Variants in COL21A1 observed in about 807,000 individuals in gnomAD.
COL21A1 encodes collagen alpha-1(XXI) chain.
A neutral mutation model predicts 137.9 loss-of-function variants in COL21A1; 149 were observed. The ratio of observed to expected loss-of-function variants is 1.08; its 90% confidence interval spans 0.95 to 1.24. COL21A1 has a LOEUF of 1.24. Ranked by LOEUF, COL21A1 falls within the 50% of genes most tolerant of loss-of-function variation. COL21A1 has a pLI of 0.00. For synonymous variants in COL21A1, 456 were observed against 391.5 expected, an observed-to-expected ratio of 1.16 and a Z score of -1.95; for missense variants, 1,167 against 1,158.4, an observed-to-expected ratio of 1.01 and a Z score of -0.11.
At chr6:56,325,930 ATAATATATATTATATATT>A (rs1765068567) in intron 1 of COL21A1, among the ~76,000 whole-genome samples, 3 of 44,680 alleles carry the variant, frequency 6.7e-5, no homozygotes, top group African/African-American at 1.3e-4. Context: ...TATAATATAT[ATAATATATATTATATATT>A]ATATAATATA....
chr6:56,280,008 T>A (rs1763754887), intron 1 of COL21A1, among the ~76,000 whole-genome samples: 2 of 152,124 alleles, frequency 1.3e-5, no homozygotes, highest in Non-Finnish European at 2.9e-5. Flanking sequence ...AATACACACA[T>A]ACAGACACAC....
At chr6:56,276,522 C>T (rs934380024) in intron 1 of COL21A1, 6 of 1,204,008 alleles carry the variant, frequency 5.0e-6, no homozygotes, top group Non-Finnish European at 7.3e-6. Context: ...AAAACACCTT[C>T]ATATTAATCA....
intron 14 of COL21A1, 118 bp downstream of exon 14, chr6:56,125,449 T>C (rs1170366662): frequency 5.0e-5 from 31 of 615,332 alleles, no homozygotes; most frequent in Middle Eastern, 3.1e-4. Flanking sequence ...ATTAATCCCC[T>C]AAGAAGGGTG....
intron 16 of COL21A1, among the ~76,000 whole-genome samples, chr6:56,118,786 C>G (rs1265186866): frequency 6.6e-6 from 1 of 151,956 alleles, no homozygotes; most frequent in Non-Finnish European, 1.5e-5. Flanking sequence ...GTATGCAAAT[C>G]AATCAAAATG....
chr6:56,113,517 C>G (rs1266281004), intron 16 of COL21A1, among the ~76,000 whole-genome samples: 4 of 152,182 alleles, frequency 2.6e-5, no homozygotes, highest in Non-Finnish European at 5.9e-5. Flanking sequence ...CAGCATTCAT[C>G]ACCTGTTAAC....
intron 17 of COL21A1, among the ~76,000 whole-genome samples, chr6:56,098,548 AATATATATAAATATATAAAT>A (rs1468188990): frequency 0.12 from 1,811 of 15,172 alleles, 133 homozygotes; most frequent in East Asian, 0.21. Context: ...TAAATATATA[AATATATATAAATATATAAAT>A]ATATATAAAT....
chr6:56,309,274 G>A (rs769439601), intron 1 of COL21A1, among the ~76,000 whole-genome samples: 53 of 152,024 alleles, frequency 3.5e-4, no homozygotes, highest in Non-Finnish European at 5.1e-4. Flanking sequence ...TCCTGACCTC[G>A]TGATCTGCCC....
intron 1 of COL21A1, among the ~76,000 whole-genome samples, chr6:56,348,967 C>G (rs1026449815): frequency 2.6e-5 from 4 of 152,172 alleles, no homozygotes; most frequent in Non-Finnish European, 5.9e-5. Context: ...AAAGTTTAGA[C>G]AGGTTAAACT....
At chr6:56,292,772 TG>T (rs111381293) in intron 1 of COL21A1, among the ~76,000 whole-genome samples, 12,216 of 152,280 alleles carry the variant, frequency 0.08, 543 homozygotes, top group Middle Eastern at 0.14. Context: ...TGAATATTCC[TG>T]GTATGCTTCT....
At chr6:56,364,560 C>A (rs926980902) in intron 1 of COL21A1, among the ~76,000 whole-genome samples, 1 of 152,176 alleles carries the variant, frequency 6.6e-6, no homozygotes, top group African/African-American at 2.4e-5. Flanking sequence ...GCACAGGCAG[C>A]TGGTGAAAGG....
At chr6:56,073,429 T>C (rs1225983574) in intron 20 of COL21A1, among the ~76,000 whole-genome samples, 2 of 151,406 alleles carry the variant, frequency 1.3e-5, no homozygotes, top group South Asian at 2.1e-4. Context: ...ACTTTAGAAA[T>C]TAAAAGTAAA....
rs114617257 is a variant in COL21A1, at chr6:56,376,661, C to T, written c.-39+17310G>A. On this transcript the variant is annotated intron_variant, in intron 1 of 28. Coordinates refer to the COL21A1 transcript ENST00000370819. ...TTTAGAGATAGGGGAGAAGTCAAGA[C>T]ATTTTATACTTTATGGCTTCAATTT... Among the ~76,000 whole-genome samples, 1,154 of 152,044 alleles carry T rather than the reference C, an allele frequency of 7.6e-3. 1 individual carries two copies. Among genetic ancestry groups the T allele is most frequent in the Non-Finnish European group, 0.012 (808 of 67,964 alleles).
chr6:56,098,905 C>T (rs1470898497), intron 17 of COL21A1, among the ~76,000 whole-genome samples: 5 of 149,368 alleles, frequency 3.3e-5, no homozygotes, highest in African/African-American at 1.2e-4. Context: ...TTAGTAGAGA[C>T]GGGGTTTCAC....
intron 1 of COL21A1, among the ~76,000 whole-genome samples, chr6:56,372,374 C>T (rs944860639): frequency 6.6e-6 from 1 of 152,276 alleles, no homozygotes; most frequent in African/African-American, 2.4e-5. Flanking sequence ...GAGAGACTGG[C>T]CAACCTACCA....
intron 5 of COL21A1, 67 bp downstream of exon 5, chr6:56,170,580 AAC>A: frequency 2.0e-6 from 2 of 1,019,142 alleles, no homozygotes; most frequent in Non-Finnish European, 2.9e-6. Flanking sequence ...TCTTTTCCCC[AAC>A]ACACATAAAC....
At chr6:56,362,597 C>T (rs1765998117) in intron 1 of COL21A1, among the ~76,000 whole-genome samples, 1 of 152,116 alleles carries the variant, frequency 6.6e-6, no homozygotes, top group South Asian at 2.1e-4. Context: ...ATCTCCTTCT[C>T]GGCCTTTCCT....
At chr6:56,066,181 C>T (rs536248166) in intron 23 of COL21A1, among the ~76,000 whole-genome samples, 1 of 151,830 alleles carries the variant, frequency 6.6e-6, no homozygotes, top group Admixed American at 6.6e-5. Flanking sequence ...TACCTCACTC[C>T]CAACTTCAAT....
chr6:56,134,121 C>A (rs1313715820), intron 12 of COL21A1, among the ~76,000 whole-genome samples: 1 of 151,724 alleles, frequency 6.6e-6, no homozygotes, highest in Non-Finnish European at 1.5e-5. Flanking sequence ...CCTGGAAAAA[C>A]CACAGACACT....
At chr6:56,231,724 T>C (rs1781574994) in intron 1 of COL21A1, among the ~76,000 whole-genome samples, 1 of 151,856 alleles carries the variant, frequency 6.6e-6, no homozygotes. Flanking sequence ...ATCTAATATG[T>C]TATGACTTTT....
Sources: gnomAD v4.1 joint callset for allele counts (sites outside exome capture counted in the v4.1 genomes callset) on GRCh38, gnomAD v4.1.1 for gene constraint, MANE v1.5 for transcripts, NCBI Gene and HGNC (gene_info 2026-07-23, HGNC 2026-07-21) for gene names.